RNF24: variants seen among roughly 807,000 people sequenced by gnomAD.
RNF24 encodes ring finger protein 24.
In RNF24, 14 loss-of-function variants were observed where a neutral mutation model predicts 20.0. That is an observed-to-expected ratio of 0.70 (90% CI 0.46 to 1.10). RNF24 has a LOEUF of 1.10. RNF24 is among the 50% of genes least tolerant of loss of function. The pLI, the probability that RNF24 is intolerant of heterozygous loss-of-function variation, is 0.00. For synonymous variants in RNF24, 45 were observed against 61.1 expected (o/e 0.74, Z 1.23); for missense variants, 124 against 177.6 (o/e 0.70, Z 1.71).
intron 1 of RNF24, among the ~76,000 whole-genome samples, chr20:3,982,265 A>G (rs937743908): frequency 2.0e-5 from 3 of 151,894 alleles, no homozygotes; most frequent in Non-Finnish European, 2.9e-5. Flanking sequence ...TTGAAACCTA[A>G]TAACAATTTT....
chr20:3,966,508 T>TGTGTGTGTGTGTGTGTGTGTGTGTGTGTG (rs1432875227), intron 1 of RNF24, among the ~76,000 whole-genome samples: 13 of 49,416 alleles, frequency 2.6e-4, no homozygotes, highest in Non-Finnish European at 4.9e-4. Flanking sequence ...GTGTGTGTGT[T>TGTGTGTGTGTGTGTGTGTGTGTGTGTGTG]TGGGGAAAGG....
At chr20:4,009,225 G>A (rs750595948) in intron 1 of RNF24, among the ~76,000 whole-genome samples, 3 of 152,148 alleles carry the variant, frequency 2.0e-5, no homozygotes, top group South Asian at 2.1e-4. Context: ...GGGAAGGCAC[G>A]TAAACTTCTC....
chr20:3,985,058 CA>C (rs1444565598), intron 1 of RNF24, among the ~76,000 whole-genome samples: 13 of 152,256 alleles, frequency 8.5e-5, no homozygotes, highest in Non-Finnish European at 1.2e-4. Flanking sequence ...ACAACCACAA[CA>C]ACAACCACCT....
In RNF24 at chr20:3,989,490, C is replaced by CAA. The variant is rs199841013; in HGVS notation, c.-7-25468_-7-25467dup. ...TGGGTGACAGAGCAAGACTCCATCT[C>CAA]AAAAAAAAAAAATAAAAAAAGAAAA... On this transcript the variant is annotated intron_variant, in intron 1 of 5. Transcript: ENST00000358395. Among the ~76,000 whole-genome samples the CAA allele has an allele frequency of 5.1e-4, 71 of 140,484 alleles. 1 individual carries two copies. Among genetic ancestry groups the CAA allele is most frequent in the Middle Eastern group, 3.7e-3 (1 of 272 alleles). 92.2% of individuals were successfully genotyped at this position (140,484 alleles called of 152,430 possible).
rs868395830 is a variant in RNF24, at chr20:3,957,329, C to T, written c.143+6546G>A. 7.3e-5 allele frequency among the ~76,000 whole-genome samples: 11 copies of T among 151,216 alleles called. 1 individual carries two copies. The highest frequency in any genetic ancestry group is 7.3e-4 in the Admixed American group (11 of 15,172). On this transcript the variant is annotated intron_variant, in intron 2 of 5. Coordinates refer to ENST00000358395, the MANE Select transcript of RNF24 (RefSeq NM_001134337.3). ...AAAAAAAGTTAGCCAGGCATGATGG[C>T]GTGTGCCTATAGTCTCAGCTACTTG...
At position 3,929,633 on chromosome 20, in the gene RNF24, A is replaced by C. The variant is rs962636982; in HGVS notation, c.*4430T>G. ...ACTGGTCCTCACTTGGAACTGGCCA[A>C]GGTAGGGGAGGGGCCAGCAGCTGTC... On this transcript the variant is annotated 3_prime_UTR_variant, in exon 6 of 6. Transcript: ENST00000358395. 6.6e-6 allele frequency: 1 copy of C among 152,454 alleles called. No homozygotes were observed. The highest frequency in any genetic ancestry group is 1.5e-5 in the Non-Finnish European group (1 of 68,218). 9.4% of individuals were successfully genotyped at this position (152,454 alleles called of 1,614,324 possible).
intron 1 of RNF24, chr20:3,974,497 C>A: frequency 8.5e-7 from 1 of 1,182,118 alleles, no homozygotes; most frequent in Non-Finnish European, 1.1e-6. Flanking sequence ...ACATCTACAA[C>A]AACAAAATCC....
At chr20:3,994,392 C>T (rs935265433) in intron 1 of RNF24, among the ~76,000 whole-genome samples, 2 of 152,170 alleles carry the variant, frequency 1.3e-5, no homozygotes, top group Non-Finnish European at 2.9e-5. Flanking sequence ...AAACACCTAC[C>T]TCTGGAGTAT....
chr20:3,944,461 C>G (rs928687772), intron 4 of RNF24, among the ~76,000 whole-genome samples: 3 of 152,064 alleles, frequency 2.0e-5, no homozygotes, highest in Admixed American at 2.0e-4. Context: ...AGGCTATATG[C>G]GACACTGCTA....
At chr20:4,006,247 T>C (rs935222617) in intron 1 of RNF24, among the ~76,000 whole-genome samples, 1 of 152,068 alleles carries the variant, frequency 6.6e-6, no homozygotes, top group Non-Finnish European at 1.5e-5. Flanking sequence ...CGCATGCCTG[T>C]AATCCTAGCT....
At chr20:3,959,224 T>A (rs936301037) in intron 2 of RNF24, among the ~76,000 whole-genome samples, 5 of 152,210 alleles carry the variant, frequency 3.3e-5, no homozygotes, top group Non-Finnish European at 2.9e-5. Context: ...ACTTAAAATG[T>A]GCCCATTCAT....
intron 4 of RNF24, among the ~76,000 whole-genome samples, chr20:3,936,736 T>C (rs1176917895): frequency 6.6e-6 from 1 of 152,242 alleles, no homozygotes; most frequent in Non-Finnish European, 1.5e-5. Context: ...CTCTGGAGAT[T>C]TAGCACTGAT....
rs2090845415 is a variant in RNF24 at position 3,933,108 on chromosome 20, G to A, written c.*955C>T. The A allele has an allele frequency of 5.2e-6, 2 of 381,140 alleles. No homozygotes were observed. The highest frequency in any genetic ancestry group is 9.5e-5 in the Admixed American group (2 of 20,958). 23.6% of individuals were successfully genotyped at this position (381,140 alleles called of 1,614,324 possible). A position where few individuals can be genotyped will look rare whatever the true frequency, so the allele number is the denominator to read the frequency against. On this transcript the variant is annotated 3_prime_UTR_variant, in exon 6 of 6. Coordinates refer to ENST00000358395, the MANE Select transcript of RNF24 (RefSeq NM_001134337.3). ...TTTTTCTGAAGTAGAAAGAGAGATA[G>A]GGCAAGAGAGAGAAGAGATGGAAGG...
At chr20:3,948,013 T>C (rs1218857967) in intron 3 of RNF24, among the ~76,000 whole-genome samples, 1 of 148,742 alleles carries the variant, frequency 6.7e-6, no homozygotes, top group Admixed American at 6.8e-5. Context: ...GCCATTGCAC[T>C]CCAGCCTGGG....
intron 1 of RNF24, among the ~76,000 whole-genome samples, chr20:4,014,220 C>G (rs972188041): frequency 9.9e-5 from 15 of 152,182 alleles, no homozygotes; most frequent in Non-Finnish European, 1.6e-4. Flanking sequence ...AGGGCGCATG[C>G]CAGGGTAATA....
chr20:3,977,991 G>A (rs1979033548), intron 1 of RNF24, among the ~76,000 whole-genome samples: 1 of 151,932 alleles, frequency 6.6e-6, no homozygotes, highest in Admixed American at 6.6e-5. Flanking sequence ...CAAAGAATAA[G>A]TTCTAGTATT....
chr20:3,931,726 C>T lies in RNF24; in HGVS notation c.*2337G>A, dbSNP rs1244476287. On this transcript the variant is annotated 3_prime_UTR_variant, in exon 6 of 6. Coordinates refer to ENST00000358395, the MANE Select transcript of RNF24 (RefSeq NM_001134337.3). ...GCATTTTAAAACCAGTCCACATTCA[C>T]ATGTGCTGAGAAGGTTGTTAGTGGT... is the stretch of plus-strand genomic sequence containing the variant. 6.6e-6 allele frequency: 1 copy of T among 152,254 alleles called. No homozygotes were observed. The highest frequency in any genetic ancestry group is 1.5e-5 in the Non-Finnish European group (1 of 68,048). The allele number at this position is 152,254 out of a possible 1,614,324, so 9.4% of individuals were successfully genotyped here. A position where few individuals can be genotyped will look rare whatever the true frequency, so the allele number is the denominator to read the frequency against.
chr20:3,981,568 C>A (rs941725804), intron 1 of RNF24, among the ~76,000 whole-genome samples: 1 of 151,094 alleles, frequency 6.6e-6, no homozygotes, highest in African/African-American at 2.4e-5. Context: ...TGCAGTGGCA[C>A]CATCTCGGCT....
chr20:3,942,868 G>A lies in RNF24; in HGVS notation c.228+2309C>T, dbSNP rs376534388. Among the ~76,000 whole-genome samples, 19 of 151,204 alleles carry A rather than the reference G, an allele frequency of 1.3e-4. No homozygotes were observed. In the East Asian group the frequency reaches 1.6e-3, roughly 12 times the overall value. Reference sequence around the variant, plus strand: ...TTTCATTCTTGTTGCCCATGCTGGCGTGCAATGGCACGATCTCAGCTCACT... The same window carrying A: ...TTTCATTCTTGTTGCCCATGCTGGCATGCAATGGCACGATCTCAGCTCACT... On this transcript the variant is annotated intron_variant, in intron 4 of 5. Coordinates refer to ENST00000358395, the MANE Select transcript of RNF24 (RefSeq NM_001134337.3).
Sources: allele counts gnomAD v4.1 joint callset (sites outside exome capture counted in the v4.1 genomes callset), GRCh38; gene constraint gnomAD v4.1.1; transcripts MANE v1.5; gene names NCBI Gene and HGNC (gene_info 2026-07-23, HGNC 2026-07-21).